Variants in KAZN observed in about 807,000 individuals in gnomAD.
KAZN encodes the protein kazrin.
In KAZN, 40 loss-of-function variants were observed where a neutral mutation model predicts 87.4. The observed-to-expected ratio is 0.46, with a 90% CI of 0.36 to 0.60. The LOEUF (loss-of-function observed/expected upper bound fraction) is 0.60, where lower values mean the gene tolerates loss of function less well. Among genes scored for constraint, KAZN ranks in the 20% least tolerant of loss-of-function variants. KAZN has a pLI of 0.00. For missense variants in KAZN, 898 were observed against 1,073.9 expected (o/e 0.84, Z 2.29); for synonymous variants, 466 against 458.3 (o/e 1.02, Z -0.22).
At chr1:14,292,117 T>G (rs974673859) in intron 2 of KAZN, among the ~76,000 whole-genome samples, 1 of 152,222 alleles carries the variant, frequency 6.6e-6, no homozygotes, top group Non-Finnish European at 1.5e-5. Context: ...AAGTGATGAC[T>G]TATAGTATGT....
At position 13,996,264 on chromosome 1, in the gene KAZN, C is replaced by T. The variant is rs112069392; in HGVS notation, c.91+102508C>T. Among the ~76,000 whole-genome samples the T allele has an allele frequency of 2.4e-3, 364 of 152,288 alleles. 2 individuals carry two copies. Among genetic ancestry groups the T allele is most frequent in the African/African-American group, 8.3e-3 (347 of 41,570 alleles). On this transcript the variant is annotated intron_variant, in intron 1 of 16. Coordinates refer to the KAZN transcript ENST00000636203. ...CACTGGGGCCTAGAGTCCCAACCCC[C>T]GAGCCGCGCAGATTCTCAACAGCCT...
At chr1:14,943,008 G>T (rs933695398) in intron 1 of KAZN, among the ~76,000 whole-genome samples, 6 of 62,196 alleles carry the variant, frequency 9.6e-5, no homozygotes, top group East Asian at 5.7e-4. Flanking sequence ...TGTGTGTGTG[G>T]TGTGTGTGTG....
In KAZN at chr1:14,501,324, C is replaced by T. The variant is rs1334701984; in HGVS notation, c.250-97659C>T. Among the ~76,000 whole-genome samples the T allele has an allele frequency of 2.0e-5, 3 of 151,986 alleles. No homozygotes were observed. The East Asian group carries it at 5.8e-4, about 29-fold the overall frequency. ...CAGATTGGAAAAGTAGATCTATTTG[C>T]AGAAGCCATGGCCTGGTATATAGGA... On this transcript the variant is annotated intron_variant, in intron 2 of 16. Coordinates refer to the KAZN transcript ENST00000636203.
chr1:13,950,680 G>T (rs1189879095), intron 1 of KAZN, among the ~76,000 whole-genome samples: 1 of 152,178 alleles, frequency 6.6e-6, no homozygotes, highest in Non-Finnish European at 1.5e-5. Context: ...GGAGAGGGAA[G>T]GGCTGCCTAG....
chr1:14,560,171 A>G (rs977659485), intron 2 of KAZN, among the ~76,000 whole-genome samples: 1 of 152,002 alleles, frequency 6.6e-6, no homozygotes, highest in Non-Finnish European at 1.5e-5. Context: ...CTGCTTATTT[A>G]TTTTTCATCG....
At chr1:14,435,614 A>G (rs537030235) in intron 2 of KAZN, among the ~76,000 whole-genome samples, 160 of 152,284 alleles carry the variant, frequency 1.1e-3, no homozygotes, top group Non-Finnish European at 1.7e-3. Flanking sequence ...AATTACACCC[A>G]GACCCTGGTC....
chr1:14,860,578 G>A (rs900062744), intron 1 of KAZN, among the ~76,000 whole-genome samples: 3 of 152,192 alleles, frequency 2.0e-5, no homozygotes, highest in Admixed American at 6.5e-5. Flanking sequence ...TCTGGAATTT[G>A]TTGAGATTTT....
At chr1:14,134,516 G>A (rs1645062195) in intron 1 of KAZN, among the ~76,000 whole-genome samples, 1 of 152,144 alleles carries the variant, frequency 6.6e-6, no homozygotes, top group South Asian at 2.1e-4. Context: ...CCAAACTCAT[G>A]CGGCCATACA....
At chr1:14,417,473 C>G (rs1664891228) in intron 2 of KAZN, among the ~76,000 whole-genome samples, 1 of 152,148 alleles carries the variant, frequency 6.6e-6, no homozygotes, top group African/African-American at 2.4e-5. Context: ...ATTTCAGCTG[C>G]TCAGTCTACA....
intron 1 of KAZN, among the ~76,000 whole-genome samples, chr1:13,895,454 C>CT (rs929148905): frequency 4.6e-5 from 7 of 152,060 alleles, no homozygotes; most frequent in African/African-American, 1.7e-4. Flanking sequence ...TCCTCTGCCT[C>CT]TTTTTTAAAA....
rs181229748 is a variant in KAZN, at chr1:14,743,723, A to G, written c.226+144500A>G. ...CAGATTGTCTGGTGGGGTCCTCCTC[A>G]CCCTCCACTACTCCCTGCTGTCTTG... On this transcript the variant is annotated intron_variant, in intron 1 of 14. Transcript: ENST00000376030. 5.3e-4 allele frequency among the ~76,000 whole-genome samples: 81 copies of G among 151,556 alleles called. 3 individuals are homozygous for G. Among genetic ancestry groups the G allele is most frequent in the African/African-American group, 1.9e-3 (78 of 41,272 alleles).
At chr1:14,803,298 C>T (rs954019725) in intron 1 of KAZN, among the ~76,000 whole-genome samples, 4 of 152,158 alleles carry the variant, frequency 2.6e-5, no homozygotes, top group Non-Finnish European at 4.4e-5. Context: ...GATTCAGCCC[C>T]GGATGTAGCT....
intron 1 of KAZN, among the ~76,000 whole-genome samples, chr1:14,613,681 C>A (rs1382370940): frequency 6.6e-6 from 1 of 152,152 alleles, no homozygotes. Flanking sequence ...AAAAATAATT[C>A]ATTGTGCCCA....
At chr1:14,727,443 G>A (rs1244870861) in intron 1 of KAZN, among the ~76,000 whole-genome samples, 4 of 91,558 alleles carry the variant, frequency 4.4e-5, no homozygotes, top group African/African-American at 1.7e-4. Context: ...CATTTATTGT[G>A]CACTTTCTTT....
At chr1:14,040,342 A>C (rs1641766262) in intron 1 of KAZN, among the ~76,000 whole-genome samples, 1 of 152,096 alleles carries the variant, frequency 6.6e-6, no homozygotes, top group East Asian at 1.9e-4. Context: ...TCAGTATGGG[A>C]GCCTTCAGAT....
intron 1 of KAZN, among the ~76,000 whole-genome samples, chr1:14,866,251 A>C (rs1651443575): frequency 6.6e-6 from 1 of 152,106 alleles, no homozygotes; most frequent in Non-Finnish European, 1.5e-5. Context: ...AGCGCTTTGC[A>C]CATAGATGAC....
rs558538041 is a variant in KAZN, at chr1:14,599,451, C to G, written c.226+228C>G. Among the ~76,000 whole-genome samples, 1 of 152,058 alleles carries G rather than the reference C, an allele frequency of 6.6e-6. No homozygotes were observed. Among genetic ancestry groups the G allele is most frequent in the East Asian group, 2.0e-4 (1 of 5,122 alleles). On this transcript the variant is annotated intron_variant, in intron 1 of 14. Transcript: ENST00000376030. This position sits in a 1 kb window ranked among gnomAD's most constrained non-coding sequence, Gnocchi z 4.4. ...GTGTGCACGGGGTCACACGGTCACA[C>G]CGGCCCCGGCCAGCCTGAGCGAGGC...
At chr1:14,180,950 T>C (rs1646184559) in intron 2 of KAZN, among the ~76,000 whole-genome samples, 1 of 152,122 alleles carries the variant, frequency 6.6e-6, no homozygotes, top group South Asian at 2.1e-4. Flanking sequence ...CCAAACAGCA[T>C]AAGTAACTAA....
chr1:14,763,925 T>A (rs1437606065), intron 1 of KAZN, among the ~76,000 whole-genome samples: 1 of 152,108 alleles, frequency 6.6e-6, no homozygotes, highest in African/African-American at 2.4e-5. Flanking sequence ...AATTTTTGTA[T>A]GTTAGTAGAA....
Sources: allele counts gnomAD v4.1 joint callset (sites outside exome capture counted in the v4.1 genomes callset), GRCh38; gene constraint gnomAD v4.1.1; non-coding constraint Gnocchi (gnomAD v3.1); transcripts MANE v1.5; gene names NCBI Gene and HGNC (gene_info 2026-07-23, HGNC 2026-07-21).